The following NXPE2 variants were observed in gnomAD, a reference collection of about 807,000 sequenced individuals.
NXPE2 encodes the protein neurexophilin and PC-esterase domain family member 2.
Under a neutral mutation model 34.4 loss-of-function variants are expected in NXPE2, and 34 were observed. The ratio of observed to expected loss-of-function variants is 0.99; its 90% CI spans 0.75 to 1.31. The LOEUF (loss-of-function observed/expected upper bound fraction) is 1.31. NXPE2 is among the 40% of genes most tolerant of loss of function. The probability of loss-of-function intolerance (pLI) is 0.00; values close to 1 mark genes in which losing one functional copy is unlikely to be tolerated. For synonymous variants in NXPE2, 235 were observed against 231.3 expected, an observed-to-expected ratio of 1.02 and a Z score of -0.15; for missense variants, 649 against 672.5, an observed-to-expected ratio of 0.97 and a Z score of 0.39.
At chr11:114,587,882 G>T in the NXPE2 span, among the ~76,000 whole-genome samples, 2 of 152,152 alleles carry the variant, frequency 1.3e-5, no homozygotes, top group African/African-American at 2.4e-5. Context: ...TTGCATAAGG[G>T]TGTGGCCTTC....
At chr11:114,653,608 A>G in the NXPE2 span, among the ~76,000 whole-genome samples, 3 of 148,058 alleles carry the variant, frequency 2.0e-5, no homozygotes, top group African/African-American at 7.5e-5. Flanking sequence ...GCTCACTGCA[A>G]GCTTCAACTT....
chr11:114,733,831 G>A, the NXPE2 span, among the ~76,000 whole-genome samples: 11 of 152,236 alleles, frequency 7.2e-5, no homozygotes, highest in Non-Finnish European at 1.5e-4. Context: ...CAGAGCCATG[G>A]CACCTTTCCT....
At chr11:114,467,866 G>A in the NXPE2 span, among the ~76,000 whole-genome samples, 1 of 152,056 alleles carries the variant, frequency 6.6e-6, no homozygotes, top group Non-Finnish European at 1.5e-5. Flanking sequence ...AACTTGGGAG[G>A]CAGAGGTTGC....
At chr11:114,718,870 G>A in the NXPE2 span, among the ~76,000 whole-genome samples, 4 of 152,126 alleles carry the variant, frequency 2.6e-5, no homozygotes, top group Non-Finnish European at 5.9e-5. Flanking sequence ...TTCTTATGGT[G>A]AAACTGAACC....
chr11:114,522,235 C>T, the NXPE2 span: 6 of 1,614,070 alleles, frequency 3.7e-6, no homozygotes, highest in Non-Finnish European at 5.1e-6. Flanking sequence ...TTTCAATAGC[C>T]TTTTGAACAC....
the NXPE2 span, among the ~76,000 whole-genome samples, chr11:114,489,338 T>C: frequency 6.6e-6 from 1 of 152,018 alleles, no homozygotes; most frequent in African/African-American, 2.4e-5. Flanking sequence ...AAAACGGGAA[T>C]CCTCCCTAAC....
upstream of NXPE2, among the ~76,000 whole-genome samples, chr11:114,676,128 G>A (rs562179090): frequency 1.3e-5 from 2 of 151,790 alleles, no homozygotes; most frequent in Non-Finnish European, 2.9e-5. Flanking sequence ...CTTAAACATA[G>A]GACCTGAAAC....
At chr11:114,527,564 C>T in the NXPE2 span, among the ~76,000 whole-genome samples, 3 of 152,198 alleles carry the variant, frequency 2.0e-5, no homozygotes, top group South Asian at 2.1e-4. Flanking sequence ...CCTTCAAAGA[C>T]ATTTGCACAG....
chr11:114,620,070 TATA>T, the NXPE2 span, among the ~76,000 whole-genome samples: 2 of 134,366 alleles, frequency 1.5e-5, no homozygotes, highest in Admixed American at 7.2e-5. Context: ...TTACCTGGTG[TATA>T]ATAAGTGTTG....
chr11:114,715,813 C>T, the NXPE2 span, among the ~76,000 whole-genome samples: 1 of 152,110 alleles, frequency 6.6e-6, no homozygotes. Flanking sequence ...GACCTCAGAC[C>T]ATACTCTGAG....
At chr11:114,534,695 A>C in the NXPE2 span, among the ~76,000 whole-genome samples, 1 of 152,232 alleles carries the variant, frequency 6.6e-6, no homozygotes, top group African/African-American at 2.4e-5. Flanking sequence ...GTGATGGAAG[A>C]CGAAATGAAT....
the NXPE2 span, chr11:114,528,763 C>A: frequency 3.2e-6 from 2 of 625,594 alleles, no homozygotes; most frequent in Admixed American, 2.1e-5. Flanking sequence ...GAATGAGGAC[C>A]CAGGTGCCAA....
the NXPE2 span, among the ~76,000 whole-genome samples, chr11:114,513,785 A>AT: frequency 6.6e-6 from 1 of 152,268 alleles, no homozygotes; most frequent in East Asian, 1.9e-4. Flanking sequence ...ATTAAGAAAT[A>AT]TTACAGCACT....
At chr11:114,811,146 G>A in the NXPE2 span, among the ~76,000 whole-genome samples, 1 of 141,900 alleles carries the variant, frequency 7.0e-6, no homozygotes, top group Admixed American at 7.4e-5. Context: ...GAGAACACAT[G>A]GACACAGGAA....
At chr11:114,644,442 T>G in the NXPE2 span, among the ~76,000 whole-genome samples, 1 of 152,200 alleles carries the variant, frequency 6.6e-6, no homozygotes, top group Non-Finnish European at 1.5e-5. Flanking sequence ...AATACCTAGT[T>G]TATTGAGAGT....
chr11:114,528,663 C>T, the NXPE2 span: 1,831 of 451,750 alleles, frequency 4.1e-3, 32 homozygotes, highest in African/African-American at 0.031. Flanking sequence ...AAAGATCACT[C>T]TTCCTGCTTG....
the NXPE2 span, among the ~76,000 whole-genome samples, chr11:114,553,392 A>G: frequency 6.6e-6 from 1 of 152,152 alleles, no homozygotes; most frequent in African/African-American, 2.4e-5. Context: ...ACAACCAAGC[A>G]GTTCTGTGGT....
chr11:114,469,782 G>T, the NXPE2 span, among the ~76,000 whole-genome samples: 1 of 152,142 alleles, frequency 6.6e-6, no homozygotes, highest in South Asian at 2.1e-4. Context: ...CACAGTTAAC[G>T]TAATGAACAT....
chr11:114,775,803 A>T, the NXPE2 span, among the ~76,000 whole-genome samples: 1 of 151,912 alleles, frequency 6.6e-6, no homozygotes, highest in Non-Finnish European at 1.5e-5. Flanking sequence ...ATGGCAAAGA[A>T]GGTCAAAGGG....
Sources: gnomAD v4.1 joint callset for allele counts (sites outside exome capture counted in the v4.1 genomes callset) on GRCh38, gnomAD v4.1.1 for gene constraint, MANE v1.5 for transcripts, NCBI Gene and HGNC (gene_info 2026-07-23, HGNC 2026-07-21) for gene names.